TNS3: variants seen among roughly 807,000 people sequenced by gnomAD.
TNS3 encodes tensin-3.
TNS3 carries 45 observed loss-of-function variants against 140.9 expected under a neutral mutation model. The ratio of observed to expected loss-of-function variants is 0.32; its 90% CI spans 0.25 to 0.41. TNS3 has a LOEUF of 0.41. Among genes scored for constraint, TNS3 ranks in the 10% least tolerant of loss-of-function variants. The pLI is 1.00. For missense variants in TNS3, 1,716 were observed against 1,906.7 expected, an observed-to-expected ratio of 0.90 and a Z score of 1.86; for synonymous variants, 815 against 788.4, an observed-to-expected ratio of 1.03 and a Z score of -0.56.
intron 16 of TNS3, among the ~76,000 whole-genome samples, chr7:47,375,915 C>T (rs1052730796): frequency 1.3e-5 from 2 of 152,308 alleles, no homozygotes; most frequent in South Asian, 2.1e-4. Context: ...ATTTATGAAG[C>T]GACGTGGAAC....
At chr7:47,481,606 C>G (rs1445717806) in intron 3 of TNS3, 5 of 956,290 alleles carry the variant, frequency 5.2e-6, no homozygotes, top group Admixed American at 6.2e-5. Context: ...TTTTCTAGAA[C>G]TATTTCTACA....
intron 17 of TNS3, among the ~76,000 whole-genome samples, chr7:47,354,227 T>C (rs1205498608): frequency 1.3e-5 from 2 of 152,172 alleles, no homozygotes; most frequent in East Asian, 1.9e-4. Context: ...GGAGACCTCA[T>C]GGGAGCAGGA....
chr7:47,530,838 A>AAAAAATATATATATATAT, intron 1 of TNS3, among the ~76,000 whole-genome samples: 5 of 54,560 alleles, frequency 9.2e-5, no homozygotes, highest in South Asian at 8.9e-4. Flanking sequence ...AAAAAAAAAA[A>AAAAAATATATATATATAT]ATATATATAT....
chr7:47,417,414 C>T (rs1794141160), intron 10 of TNS3, among the ~76,000 whole-genome samples: 2 of 152,212 alleles, frequency 1.3e-5, no homozygotes, highest in Non-Finnish European at 2.9e-5. Context: ...TGTTTTGCCA[C>T]GAGCTCCCAA....
At chr7:47,509,455 A>G (rs904711836) in intron 2 of TNS3, among the ~76,000 whole-genome samples, 1 of 152,096 alleles carries the variant, frequency 6.6e-6, no homozygotes, top group African/African-American at 2.4e-5. Flanking sequence ...GGCAGTGTAC[A>G]AGATACTTTC....
intron 1 of TNS3, among the ~76,000 whole-genome samples, chr7:47,548,056 A>G (rs1447564195): frequency 6.6e-6 from 1 of 152,110 alleles, no homozygotes; most frequent in African/African-American, 2.4e-5. Context: ...ATGCACCATC[A>G]CACCCGGCTA....
intron 10 of TNS3, among the ~76,000 whole-genome samples, chr7:47,420,049 T>TG (rs1453421085): frequency 6.6e-6 from 1 of 152,210 alleles, no homozygotes; most frequent in African/African-American, 2.4e-5. Flanking sequence ...ATCTGGGCAT[T>TG]GAATAATGAA....
chr7:47,457,142 AGGGGAGGGGAGGGGAAGAGAGG>A (rs1796288572), intron 4 of TNS3, among the ~76,000 whole-genome samples: 1 of 5,062 alleles, frequency 2.0e-4, no homozygotes, highest in Non-Finnish European at 3.6e-4. Flanking sequence ...GGAGGAGGGG[AGGGGAGGGGAGGGGAAGAGAGG>A]GGAGGGGAAG....
chr7:47,397,018 C>T, intron 15 of TNS3, 114 bp from the exon 16 acceptor site: 1 of 718,492 alleles, frequency 1.4e-6, no homozygotes, highest in South Asian at 1.6e-5. Context: ...AGAGAAGCCT[C>T]TCCATCCTCC....
intron 20 of TNS3, among the ~76,000 whole-genome samples, chr7:47,319,324 T>C (rs770400508): frequency 2.0e-5 from 3 of 151,948 alleles, no homozygotes; most frequent in Non-Finnish European, 4.4e-5. Flanking sequence ...CCTGTCTACC[T>C]CCACTCCCAC....
chr7:47,330,967 C>T (rs1353289904), intron 20 of TNS3, among the ~76,000 whole-genome samples: 3 of 152,146 alleles, frequency 2.0e-5, no homozygotes, highest in Non-Finnish European at 4.4e-5. Flanking sequence ...CGGACTCGGG[C>T]GAACCTTATG....
At chr7:47,459,588 CCCA>C (rs1406500620) in intron 4 of TNS3, among the ~76,000 whole-genome samples, 1 of 152,116 alleles carries the variant, frequency 6.6e-6, no homozygotes, top group Non-Finnish European at 1.5e-5. Flanking sequence ...TGTAAATTCC[CCCA>C]CAAGAGAACC....
intron 4 of TNS3, among the ~76,000 whole-genome samples, chr7:47,466,643 C>T (rs187019506): frequency 1.2e-3 from 180 of 152,234 alleles, no homozygotes; most frequent in African/African-American, 3.9e-3. Flanking sequence ...CTGGTGAGGA[C>T]TTGGCTAGGG....
chr7:47,286,937 A>G lies in TNS3; in HGVS notation c.3929-3072T>C, dbSNP rs568476805. On this transcript the variant is annotated intron_variant, in intron 27 of 30. Transcript: ENST00000311160. ...AAGGAAAAAGGCAGCATAGGATTGGATCTGCTTGACATCAGGAGTGGTCTT... is the reference window on the plus strand; with the variant it reads ...AAGGAAAAAGGCAGCATAGGATTGGGTCTGCTTGACATCAGGAGTGGTCTT... Among the ~76,000 whole-genome samples the G allele has an allele frequency of 3.9e-5, 6 of 152,296 alleles. No homozygotes were observed. The East Asian group carries it at 1.2e-3, about 29-fold the overall frequency.
At chr7:47,285,789 C>T (rs1785387542) in intron 27 of TNS3, among the ~76,000 whole-genome samples, 1 of 152,122 alleles carries the variant, frequency 6.6e-6, no homozygotes, top group Admixed American at 6.5e-5. Flanking sequence ...GCCACATATT[C>T]ATTACAGTGG....
intron 17 of TNS3, among the ~76,000 whole-genome samples, chr7:47,361,224 A>AAAAAAAAAAAAAAAAAG (rs1790308327): frequency 6.7e-6 from 1 of 148,706 alleles, no homozygotes. Flanking sequence ...AAAAAAAAAA[A>AAAAAAAAAAAAAAAAAG]CAAGCAAGGG....
chr7:47,527,713 G>A (rs930073849), intron 2 of TNS3, among the ~76,000 whole-genome samples: 6 of 152,184 alleles, frequency 3.9e-5, no homozygotes, highest in Non-Finnish European at 7.3e-5. Context: ...AAGAGTTTAA[G>A]AGCAGCCTGG....
rs201802191 is a variant in TNS3 at position 47,344,797 on chromosome 7, G to A, written c.2608C>T (p.Pro870Ser). Residue 870 changes from proline to serine, a missense_variant, in exon 20 of 31, where the codon CCC (proline) becomes TCC (serine). Pro to Ser is a moderately conservative substitution (Grantham distance 74). Coordinates refer to ENST00000311160, the MANE Select transcript of TNS3 (RefSeq NM_022748.12). ...LRHPPFSPPE[P>S]PLSSPASQHK... Reference sequence around the variant, plus strand: ...TGACTGGCTGGGCTGCTCAGCGGGGGCTCAGGTGGGCTGAACGGAGGATGG... The same window carrying A: ...TGACTGGCTGGGCTGCTCAGCGGGGACTCAGGTGGGCTGAACGGAGGATGG... 3 of 1,613,296 alleles carry A rather than the reference G, an allele frequency of 1.9e-6. No individual in the cohort carries two copies. The highest frequency in any genetic ancestry group is 4.5e-5 in the East Asian group (2 of 44,894).
At chr7:47,420,189 G>GA (rs1247965714) in intron 10 of TNS3, among the ~76,000 whole-genome samples, 2 of 152,170 alleles carry the variant, frequency 1.3e-5, no homozygotes, top group African/African-American at 4.8e-5. Flanking sequence ...ACAGAAATAT[G>GA]AAAAATCAAA....
Sources: gnomAD v4.1 joint callset for allele counts (sites outside exome capture counted in the v4.1 genomes callset) on GRCh38, gnomAD v4.1.1 for gene constraint, MANE v1.5 for transcripts, NCBI Gene and HGNC (gene_info 2026-07-23, HGNC 2026-07-21) for gene names.